The following AGPS variants were observed in gnomAD, a reference collection of about 807,000 sequenced individuals.
AGPS encodes the protein alkyldihydroxyacetonephosphate synthase, peroxisomal.
In AGPS, 26 loss-of-function variants were observed where a neutral mutation model predicts 90.7. That is an observed-to-expected ratio of 0.29 (90% confidence interval 0.21 to 0.40). The LOEUF is 0.40. AGPS is among the 10% of genes least tolerant of loss of function. AGPS has a pLI of 1.00. For missense variants in AGPS, 540 were observed against 816.1 expected, an observed-to-expected ratio of 0.66 and a Z score of 4.12; for synonymous variants, 294 against 285.3, an observed-to-expected ratio of 1.03 and a Z score of -0.31.
intron 1 of AGPS, among the ~76,000 whole-genome samples, chr2:177,409,388 CTTTTTT>C (rs11305352): frequency 6.9e-6 from 1 of 144,462 alleles, no homozygotes; most frequent in Non-Finnish European, 1.5e-5. Context: ...TATGATTTGA[CTTTTTT>C]TTTTTTTTTT....
chr2:177,424,926 T>C (rs1686034989), intron 2 of AGPS, among the ~76,000 whole-genome samples: 1 of 152,224 alleles, frequency 6.6e-6, no homozygotes, highest in South Asian at 2.1e-4. Context: ...TTAATGGGGT[T>C]GGTTTTTTCT....
At chr2:177,450,949 A>G (rs1404429231) in intron 8 of AGPS, among the ~76,000 whole-genome samples, 2 of 878 alleles carry the variant, frequency 2.3e-3, no homozygotes, top group Admixed American at 0.023. Context: ...ACGGTTTTCT[A>G]TGTACATGTC....
chr2:177,485,890 C>T (rs1688078222), intron 11 of AGPS, among the ~76,000 whole-genome samples: 1 of 152,086 alleles, frequency 6.6e-6, no homozygotes. Context: ...GTACTTCAGC[C>T]TGGGCAACAG....
chr2:177,500,337 C>G (rs767844764), intron 14 of AGPS, among the ~76,000 whole-genome samples: 3 of 151,974 alleles, frequency 2.0e-5, no homozygotes, highest in Admixed American at 6.6e-5. Flanking sequence ...TTTATCAGGA[C>G]TATGTTTTTT....
chr2:177,445,990 C>G (rs899949387), intron 8 of AGPS, among the ~76,000 whole-genome samples: 8 of 152,128 alleles, frequency 5.3e-5, no homozygotes, highest in African/African-American at 1.9e-4. Context: ...GAAGGTATCA[C>G]ATAGAACCTG....
chr2:177,487,704 G>A (rs1006205325), intron 11 of AGPS, among the ~76,000 whole-genome samples: 1 of 151,912 alleles, frequency 6.6e-6, no homozygotes, highest in African/African-American at 2.4e-5. Context: ...TTTGTGTCAT[G>A]CGTTTTTTTC....
At position 177,507,962 on chromosome 2, in the gene AGPS, C is replaced by T; in HGVS notation, c.1546-8C>T. 1 of 1,607,074 alleles carries T rather than the reference C, an allele frequency of 6.2e-7. No individual in the cohort carries two copies. Among genetic ancestry groups the T allele is most frequent in the Middle Eastern group, 1.7e-4 (1 of 6,048 alleles). On this transcript the variant is annotated splice_polypyrimidine_tract_variant and splice_region_variant and intron_variant, in intron 15 of 19. Coordinates refer to ENST00000264167, the MANE Select transcript of AGPS (RefSeq NM_003659.4). ...AGTTTCTTGATTTTTCTGTTTGTGT[C>T]TTAATAGGACTTGGCTTTGGAATAC...
intron 16 of AGPS, among the ~76,000 whole-genome samples, chr2:177,513,467 T>A (rs1026091237): frequency 6.6e-6 from 1 of 152,204 alleles, no homozygotes; most frequent in African/African-American, 2.4e-5. Context: ...GAATCGAATT[T>A]TCATTAACAT....
rs550132830 is a variant in AGPS at position 177,408,094 on chromosome 2, T to C, written c.261-12175T>C. ...ACTGTGCCTGGCGAGAAAACAAATT[T>C]CTAGTAAATGTCACCTTATGCATTA... is the stretch of plus-strand genomic sequence containing the variant. On this transcript the variant is annotated intron_variant, in intron 1 of 19. Coordinates refer to ENST00000264167, the MANE Select transcript of AGPS (RefSeq NM_003659.4). 2.1e-3 allele frequency among the ~76,000 whole-genome samples: 321 copies of C among 152,266 alleles called. 3 individuals carry two copies. The highest frequency in any genetic ancestry group is 7.4e-3 in the African/African-American group (308 of 41,564).
intron 9 of AGPS, among the ~76,000 whole-genome samples, chr2:177,463,830 A>G (rs1319351691): frequency 6.6e-6 from 1 of 152,236 alleles, no homozygotes; most frequent in Non-Finnish European, 1.5e-5. Context: ...GAAATCATGT[A>G]GTTTATTTTA....
At chr2:177,458,546 C>T (rs1486393282) in intron 8 of AGPS, among the ~76,000 whole-genome samples, 1 of 151,954 alleles carries the variant, frequency 6.6e-6, no homozygotes, top group Non-Finnish European at 1.5e-5. Flanking sequence ...TAACAGAGAG[C>T]CAAATCATGA....
intron 2 of AGPS, among the ~76,000 whole-genome samples, chr2:177,421,649 C>T (rs926512694): frequency 6.6e-6 from 1 of 151,868 alleles, no homozygotes; most frequent in Non-Finnish European, 1.5e-5. Flanking sequence ...TTGTGTAATT[C>T]AGGTAGAAGG....
chr2:177,415,199 C>T (rs977516227), intron 1 of AGPS, among the ~76,000 whole-genome samples: 7 of 152,134 alleles, frequency 4.6e-5, no homozygotes, highest in Non-Finnish European at 7.3e-5. Flanking sequence ...ACATTACTTA[C>T]CTGCTTCTCT....
intron 19 of AGPS, among the ~76,000 whole-genome samples, chr2:177,526,227 C>CTTTTTTTTTTT (rs749224337): frequency 5.6e-5 from 7 of 124,324 alleles, no homozygotes; most frequent in African/African-American, 2.1e-4. Context: ...AGCTTCTTGT[C>CTTTTTTTTTTT]TTTTTTTTTT....
intron 15 of AGPS, among the ~76,000 whole-genome samples, chr2:177,507,483 T>C (rs1688748520): frequency 6.6e-6 from 1 of 152,180 alleles, no homozygotes; most frequent in Non-Finnish European, 1.5e-5. Context: ...ATTACTATGT[T>C]TTCTAAATTT....
intron 8 of AGPS, among the ~76,000 whole-genome samples, chr2:177,449,940 C>G (rs1686888342): frequency 6.6e-6 from 1 of 151,850 alleles, no homozygotes; most frequent in Non-Finnish European, 1.5e-5. Flanking sequence ...CGGGTTCATG[C>G]CATTCTCCTG....
chr2:177,402,280 G>T (rs1340407741), intron 1 of AGPS, among the ~76,000 whole-genome samples: 7 of 152,186 alleles, frequency 4.6e-5, no homozygotes, highest in African/African-American at 7.2e-5. Context: ...CAGAGGAATA[G>T]TATGTGCAAA....
intron 1 of AGPS, among the ~76,000 whole-genome samples, chr2:177,401,272 T>C (rs917293209): frequency 7.2e-5 from 11 of 152,238 alleles, no homozygotes; most frequent in African/African-American, 2.4e-4. Context: ...TCTCATAGTG[T>C]TAACACTAGT....
chr2:177,428,143 T>G (rs1686133941), intron 2 of AGPS, among the ~76,000 whole-genome samples: 1 of 152,212 alleles, frequency 6.6e-6, no homozygotes, highest in Admixed American at 6.5e-5. Flanking sequence ...AAACTAGGAT[T>G]GCGACACCTG....
Sources: allele counts gnomAD v4.1 joint callset (sites outside exome capture counted in the v4.1 genomes callset), GRCh38; gene constraint gnomAD v4.1.1; transcripts MANE v1.5; gene names NCBI Gene and HGNC (gene_info 2026-07-23, HGNC 2026-07-21).